KSR2: variants seen among roughly 807,000 people sequenced by gnomAD.
KSR2 encodes kinase suppressor of ras 2.
Under a neutral mutation model 107.8 loss-of-function variants are expected in KSR2, and 25 were observed. The ratio of observed to expected loss-of-function variants is 0.23; its 90% confidence interval spans 0.17 to 0.32. The LOEUF is 0.32. KSR2 is among the 10% of genes least tolerant of loss of function. The pLI is 1.00. For missense variants in KSR2, 887 were observed against 1,268.9 expected (o/e 0.70, Z 4.57); for synonymous variants, 480 against 507.0 (o/e 0.95, Z 0.71).
chr12:117,945,995 C>A (rs891934688), intron 1 of KSR2, among the ~76,000 whole-genome samples: 1 of 151,634 alleles, frequency 6.6e-6, no homozygotes, highest in Non-Finnish European at 1.5e-5. Flanking sequence ...AAAGAGGAAG[C>A]CTTAGAAAAA....
intron 4 of KSR2, among the ~76,000 whole-genome samples, chr12:117,746,239 G>T (rs1888399722): frequency 6.6e-6 from 1 of 152,062 alleles, no homozygotes; most frequent in South Asian, 2.1e-4. Flanking sequence ...CAGATATATA[G>T]ACCAATGAAA....
chr12:117,646,245 T>TTGGG, intron 5 of KSR2, among the ~76,000 whole-genome samples: 1 of 152,204 alleles, frequency 6.6e-6, no homozygotes, highest in African/African-American at 2.4e-5. Flanking sequence ...AATCCATGAA[T>TTGGG]ACAGAGGGCC....
chr12:117,634,457 AG>A (rs1882959368), intron 5 of KSR2, among the ~76,000 whole-genome samples: 1 of 152,136 alleles, frequency 6.6e-6, no homozygotes, highest in Non-Finnish European at 1.5e-5. Context: ...CCATGAATTC[AG>A]TCAGTTGCCA....
At chr12:117,616,657 G>T (rs1441240516) in intron 5 of KSR2, among the ~76,000 whole-genome samples, 1 of 152,220 alleles carries the variant, frequency 6.6e-6, no homozygotes, top group Non-Finnish European at 1.5e-5. Context: ...TGAGCACACT[G>T]TGAGGTTGGA....
chr12:117,517,056 T>C (rs1874420080), intron 14 of KSR2, among the ~76,000 whole-genome samples: 1 of 152,180 alleles, frequency 6.6e-6, no homozygotes, highest in Non-Finnish European at 1.5e-5. Flanking sequence ...CCCTTCCTTT[T>C]TCCTCAGCTA....
chr12:117,565,355 G>A (rs1878415255), intron 7 of KSR2, among the ~76,000 whole-genome samples: 2 of 152,140 alleles, frequency 1.3e-5, no homozygotes, highest in Admixed American at 6.5e-5. Context: ...CTTCCAGAGT[G>A]CACATGGAAC....
intron 14 of KSR2, among the ~76,000 whole-genome samples, chr12:117,498,791 C>A (rs1014370554): frequency 6.6e-6 from 1 of 152,132 alleles, no homozygotes; most frequent in Non-Finnish European, 1.5e-5. Context: ...AGTTTCCCTG[C>A]GCAAGTTTTC....
intron 3 of KSR2, among the ~76,000 whole-genome samples, chr12:117,776,763 T>G (rs1398059483): frequency 6.6e-6 from 1 of 151,992 alleles, no homozygotes; most frequent in Admixed American, 6.6e-5. Context: ...GGATCTCATC[T>G]CAATTCTTCA....
chr12:117,565,044 T>G (rs769725595), intron 7 of KSR2, among the ~76,000 whole-genome samples: 1 of 152,128 alleles, frequency 6.6e-6, no homozygotes, highest in African/African-American at 2.4e-5. Flanking sequence ...GGGGGACAAA[T>G]GGTCTCTTTC....
At chr12:117,644,893 T>C (rs919449203) in intron 5 of KSR2, among the ~76,000 whole-genome samples, 3 of 152,182 alleles carry the variant, frequency 2.0e-5, no homozygotes, top group Admixed American at 1.3e-4. Context: ...TGCTCTCGCG[T>C]GCTCAGCATC....
chr12:117,859,538 C>A (rs1893217357), intron 2 of KSR2, among the ~76,000 whole-genome samples: 1 of 150,770 alleles, frequency 6.6e-6, no homozygotes, highest in Non-Finnish European at 1.5e-5. Flanking sequence ...CTCACTGTAA[C>A]CTCAACCTCC....
At chr12:117,693,476 C>T (rs77893315) in intron 4 of KSR2, among the ~76,000 whole-genome samples, 3,311 of 152,204 alleles carry the variant, frequency 0.022, 106 homozygotes, top group African/African-American at 0.077. Flanking sequence ...ATCCTCCTCC[C>T]CCACATCTCT....
intron 5 of KSR2, among the ~76,000 whole-genome samples, chr12:117,601,545 C>T (rs1234224573): frequency 2.0e-5 from 3 of 152,038 alleles, no homozygotes; most frequent in African/African-American, 7.2e-5. Flanking sequence ...TATGAGATCA[C>T]GGAGGCAGAG....
intron 5 of KSR2, among the ~76,000 whole-genome samples, chr12:117,604,241 T>C (rs1263718941): frequency 6.6e-6 from 1 of 152,220 alleles, no homozygotes. Context: ...TCCTGTTCCC[T>C]TTACTTCTCC....
At chr12:117,482,660 G>C (rs1177862896) in intron 16 of KSR2, among the ~76,000 whole-genome samples, 1 of 152,180 alleles carries the variant, frequency 6.6e-6, no homozygotes, top group Admixed American at 6.5e-5. Flanking sequence ...ATGAGCTAAA[G>C]GAAGGGATGC....
chr12:117,777,433 A>G (rs892252711), intron 3 of KSR2, among the ~76,000 whole-genome samples: 31 of 152,286 alleles, frequency 2.0e-4, no homozygotes, highest in African/African-American at 7.5e-4. Flanking sequence ...CAGAAAGGAC[A>G]CTGCTTACAC....
intron 3 of KSR2, among the ~76,000 whole-genome samples, chr12:117,855,104 C>T (rs1019157833): frequency 6.6e-6 from 1 of 152,130 alleles, no homozygotes. Flanking sequence ...TGCAAAGCCA[C>T]GTCAGAATGT....
At chr12:117,940,604 A>C (rs1895978811) in intron 1 of KSR2, among the ~76,000 whole-genome samples, 1 of 152,236 alleles carries the variant, frequency 6.6e-6, no homozygotes, top group African/African-American at 2.4e-5. Context: ...CTTTTCACCA[A>C]CCACATTCAA....
At chr12:117,485,250 T>C (rs1252470980) in intron 15 of KSR2, among the ~76,000 whole-genome samples, 1 of 152,104 alleles carries the variant, frequency 6.6e-6, no homozygotes, top group Non-Finnish European at 1.5e-5. Flanking sequence ...AGAGAGATGG[T>C]TTCCACTCAT....
Sources: gnomAD v4.1 joint callset for allele counts (sites outside exome capture counted in the v4.1 genomes callset) on GRCh38, gnomAD v4.1.1 for gene constraint, MANE v1.5 for transcripts, NCBI Gene and HGNC (gene_info 2026-07-23, HGNC 2026-07-21) for gene names.